The following PYROXD2 variants were observed in gnomAD, a reference collection of about 807,000 sequenced individuals.
PYROXD2 encodes pyridine nucleotide-disulfide oxidoreductase domain-containing protein 2.
Under a neutral mutation model 71.1 loss-of-function variants are expected in PYROXD2, and 69 were observed. The ratio of observed to expected loss-of-function variants is 0.97; its 90% CI spans 0.80 to 1.19. The LOEUF (loss-of-function observed/expected upper bound fraction) is 1.19. Ranked by LOEUF, PYROXD2 falls within the 50% of genes most tolerant of loss-of-function variation. The probability of loss-of-function intolerance (pLI) is 0.00; values close to 1 mark genes in which losing one functional copy is unlikely to be tolerated. For missense variants in PYROXD2, 745 were observed against 748.9 expected (o/e 0.99, Z 0.06); for synonymous variants, 287 against 302.7 (o/e 0.95, Z 0.54).
At chr10:98,387,342 T>C in intron 13 of PYROXD2, 35 bp from the exon 14 acceptor site, 1 of 1,498,074 alleles carries the variant, frequency 6.7e-7, no homozygotes, top group Non-Finnish European at 9.3e-7. Flanking sequence ...GAGATGGTGT[T>C]AGGAAGAAGA....
intron 13 of PYROXD2, chr10:98,388,153 A>T: frequency 1.7e-6 from 1 of 591,766 alleles, no homozygotes. Context: ...GGAGGGCAGG[A>T]ACTGTGTCTT....
chr10:98,404,761 C>T (rs1049603904), intron 4 of PYROXD2, among the ~76,000 whole-genome samples: 1 of 152,056 alleles, frequency 6.6e-6, no homozygotes, highest in Non-Finnish European at 1.5e-5. Context: ...TTCTGGGGGC[C>T]TCCTCTTTCA....
At chr10:98,393,154 T>C in intron 8 of PYROXD2, 71 bp from the exon 9 acceptor site, 1 of 1,208,720 alleles carries the variant, frequency 8.3e-7, no homozygotes, top group South Asian at 1.6e-5. Flanking sequence ...GGTGCAACTA[T>C]TCCTTTCCAT....
intron 2 of PYROXD2, among the ~76,000 whole-genome samples, chr10:98,409,532 T>G (rs929929377): frequency 6.6e-6 from 1 of 152,170 alleles, no homozygotes. Context: ...TAACTACAAG[T>G]GTGTTCCTGG....
At chr10:98,384,159 A>C (rs1842676706) in intron 15 of PYROXD2, among the ~76,000 whole-genome samples, 1 of 151,650 alleles carries the variant, frequency 6.6e-6, no homozygotes, top group Admixed American at 6.6e-5. Context: ...AAAATTTCAG[A>C]ATAAGGGGCT....
At chr10:98,408,925 A>G (rs1330076297) in intron 2 of PYROXD2, among the ~76,000 whole-genome samples, 1 of 152,220 alleles carries the variant, frequency 6.6e-6, no homozygotes, top group African/African-American at 2.4e-5. Context: ...CTGAGGCCCA[A>G]TGAGGTTAAC....
chr10:98,385,655 C>T (rs552387829), intron 14 of PYROXD2, among the ~76,000 whole-genome samples: 2 of 152,314 alleles, frequency 1.3e-5, no homozygotes, highest in African/African-American at 4.8e-5. Flanking sequence ...AGGAGTGCTC[C>T]CCCACTGCCC....
chr10:98,384,004 A>T, intron 15 of PYROXD2, 136 bp from the exon 16 acceptor site: 1 of 743,940 alleles, frequency 1.3e-6, no homozygotes, highest in South Asian at 1.5e-5. Flanking sequence ...GGGCACTGGA[A>T]TCACCTAAGA....
chr10:98,407,638 C>T lies in PYROXD2; in HGVS notation c.259G>A (p.Ala87Thr), dbSNP rs1266827148. The T allele has an allele frequency of 2.5e-6, 4 of 1,613,856 alleles. No individual in the cohort carries two copies. Among genetic ancestry groups the T allele is most frequent in the Non-Finnish European group, 3.4e-6 (4 of 1,179,990 alleles). ...EIIPGFKFSR[A>T]SYLLSLLRPQ... is the part of the protein sequence containing the mutation. Reference sequence around the variant, plus strand: ...CTCAGCAGGCTGAGCAGGTAGGACGCGCGGGAGAACTTAAACCCTGAAACC... The same window carrying T: ...CTCAGCAGGCTGAGCAGGTAGGACGTGCGGGAGAACTTAAACCCTGAAACC... The change falls in exon 4 of 16, where the codon GCG (alanine) becomes ACG (threonine). Residue 87 changes from alanine to threonine, a missense_variant. Physicochemically the swap from Ala to Thr is moderately conservative, Grantham distance 58. Transcript: ENST00000370575.
At chr10:98,384,006 C>T (rs1297284906) in intron 15 of PYROXD2, 138 bp from the exon 16 acceptor site, 2 of 724,688 alleles carry the variant, frequency 2.8e-6, no homozygotes, top group African/African-American at 1.7e-5. Context: ...GCACTGGAAT[C>T]ACCTAAGACA....
At chr10:98,385,810 A>T (rs1450581466) in intron 14 of PYROXD2, among the ~76,000 whole-genome samples, 1 of 152,084 alleles carries the variant, frequency 6.6e-6, no homozygotes, top group African/African-American at 2.4e-5. Flanking sequence ...TCCTATGTGC[A>T]CACTGTCACC....
intron 10 of PYROXD2, among the ~76,000 whole-genome samples, chr10:98,391,925 A>C (rs1842957420): frequency 6.6e-6 from 1 of 152,192 alleles, no homozygotes; most frequent in Non-Finnish European, 1.5e-5. Flanking sequence ...GCAGCCGGCA[A>C]GCTGACCCAC....
Position 98,388,504 on chromosome 10 carries a change from C to T in PYROXD2, c.1297G>A (p.Val433Met), listed in dbSNP as rs780957804. Residue 433 changes from valine (V) to methionine (M), a missense_variant, in exon 13 of 16, where the codon GTG becomes ATG. Val to Met is a conservative substitution (Grantham distance 21). Transcript: ENST00000370575. ...GAGGAAGGGATGCAGAGCTCAATCA[C>T]AGGCCTGTGCGGGCAGGGAGGAGAC... ...AMDGLPSHRP[V>M]IELCIPSSLD... The T allele has an allele frequency of 1.9e-6, 3 of 1,599,778 alleles. No individual in the cohort carries two copies. Among genetic ancestry groups the T allele is most frequent in the African/African-American group, 2.7e-5 (2 of 74,126 alleles).
intron 4 of PYROXD2, among the ~76,000 whole-genome samples, chr10:98,405,755 G>GT (rs1843576775): frequency 6.6e-6 from 1 of 152,228 alleles, no homozygotes; most frequent in Non-Finnish European, 1.5e-5. Flanking sequence ...CCAGAGACGT[G>GT]TGAGTCTGGG....
chr10:98,407,574 G>GC lies in PYROXD2; in HGVS notation c.315+7_315+8insG. The GC allele has an allele frequency of 6.2e-7, 1 of 1,613,486 alleles. No homozygotes were observed. The highest frequency in any genetic ancestry group is 8.5e-7 in the Non-Finnish European group (1 of 1,179,984). On this transcript the variant is annotated splice_region_variant and intron_variant, in intron 4 of 15. Coordinates refer to ENST00000370575, the MANE Select transcript of PYROXD2 (RefSeq NM_032709.3). ...CTCCGTGCAATCGGGCCGGCGGGGGGGCCCTACCTTCAGCTCCAGATCAGT... is the reference window on the plus strand; with the variant it reads ...CTCCGTGCAATCGGGCCGGCGGGGGGCGCCCTACCTTCAGCTCCAGATCAGT...
rs1004984998 is a variant in PYROXD2, at chr10:98,414,842, A to G, written c.127+167T>C. 8.4e-5 allele frequency: 89 copies of G among 1,065,538 alleles called. No individual in the cohort carries two copies. The East Asian group carries it at 2.4e-3, about 28-fold the overall frequency. 66.0% of individuals were successfully genotyped at this position (1,065,538 alleles called of 1,614,324 possible). ...GGAATCCCAGGTGCCTGCCTGCCAGATGGAAGGGCTTTCCATTGCAGCCCC... is the reference window on the plus strand; with the variant it reads ...GGAATCCCAGGTGCCTGCCTGCCAGGTGGAAGGGCTTTCCATTGCAGCCCC... On this transcript the variant is annotated intron_variant, in intron 1 of 15. Transcript: ENST00000370575.
At chr10:98,392,653 CCTAGGCATT>C (rs1159024148) in intron 9 of PYROXD2, 87 bp from the exon 10 acceptor site, 4 of 1,552,164 alleles carry the variant, frequency 2.6e-6, no homozygotes. Flanking sequence ...CTGTGCTGCT[CCTAGGCATT>C]CACAACTTCT....
chr10:98,409,136 G>A (rs1843706258), intron 2 of PYROXD2, among the ~76,000 whole-genome samples: 1 of 152,252 alleles, frequency 6.6e-6, no homozygotes, highest in South Asian at 2.1e-4. Flanking sequence ...CGATCTCACA[G>A]ATTGACAACC....
chr10:98,412,287 A>C (rs1439916638), intron 1 of PYROXD2, among the ~76,000 whole-genome samples: 2 of 152,222 alleles, frequency 1.3e-5, no homozygotes, highest in African/African-American at 4.8e-5. Flanking sequence ...GACCACCCTC[A>C]AGTCCTGGCT....
Sources: allele counts gnomAD v4.1 joint callset (sites outside exome capture counted in the v4.1 genomes callset), GRCh38; gene constraint gnomAD v4.1.1; transcripts MANE v1.5; gene names NCBI Gene and HGNC (gene_info 2026-07-23, HGNC 2026-07-21).